Variants in JPH1 observed in about 807,000 individuals in gnomAD.
The protein encoded by JPH1 is junctophilin 1.
JPH1 carries 12 observed loss-of-function variants against 53.6 expected under a neutral mutation model. The ratio of observed to expected loss-of-function variants is 0.22; its 90% confidence interval spans 0.14 to 0.36. The LOEUF is 0.36. Ranked by LOEUF, JPH1 falls within the 10% of genes least tolerant of loss-of-function variation. JPH1 has a pLI of 1.00. For missense variants in JPH1, 808 were observed against 905.5 expected, an observed-to-expected ratio of 0.89 and a Z score of 1.38; for synonymous variants, 375 against 363.8, an observed-to-expected ratio of 1.03 and a Z score of -0.35.
At chr8:74,300,316 C>T (rs185225162) in intron 2 of JPH1, among the ~76,000 whole-genome samples, 41 of 152,238 alleles carry the variant, frequency 2.7e-4, no homozygotes, top group Admixed American at 5.9e-4. Flanking sequence ...TAAACAAATA[C>T]GGGACTGACT....
chr8:74,310,340 G>A (rs1380947190), intron 2 of JPH1, among the ~76,000 whole-genome samples: 1 of 149,810 alleles, frequency 6.7e-6, no homozygotes, highest in Non-Finnish European at 1.5e-5. Flanking sequence ...ATGGTGATTT[G>A]TACCCTCAGG....
chr8:74,297,494 G>T (rs6995682), intron 2 of JPH1, among the ~76,000 whole-genome samples: 4,003 of 151,992 alleles, frequency 0.026, 185 homozygotes, highest in African/African-American at 0.09. Flanking sequence ...TGTGCTTCGC[G>T]GGACTCTTAA....
intron 2 of JPH1, among the ~76,000 whole-genome samples, chr8:74,281,119 G>A (rs967014189): frequency 2.0e-5 from 3 of 152,112 alleles, no homozygotes; most frequent in African/African-American, 4.8e-5. Flanking sequence ...CTACTTGTTT[G>A]CTTATTTTAC....
intron 2 of JPH1, among the ~76,000 whole-genome samples, chr8:74,305,441 C>T (rs560413139): frequency 6.6e-6 from 1 of 152,224 alleles, no homozygotes; most frequent in Non-Finnish European, 1.5e-5. Context: ...TTCCAGAAAA[C>T]ATAGGAGTAG....
At chr8:74,245,529 T>G (rs1158673864) in intron 3 of JPH1, among the ~76,000 whole-genome samples, 1 of 152,240 alleles carries the variant, frequency 6.6e-6, no homozygotes, top group African/African-American at 2.4e-5. Flanking sequence ...TACAAGGAAG[T>G]AAGCTGACTA....
intron 4 of JPH1, among the ~76,000 whole-genome samples, chr8:74,238,035 C>T (rs914324641): frequency 6.6e-6 from 1 of 152,164 alleles, no homozygotes; most frequent in African/African-American, 2.4e-5. Context: ...ACAAACCAAC[C>T]TCATATAACC....
At chr8:74,242,492 ATTCTGT>A (rs985270974) in intron 4 of JPH1, among the ~76,000 whole-genome samples, 1 of 152,226 alleles carries the variant, frequency 6.6e-6, no homozygotes, top group African/African-American at 2.4e-5. Flanking sequence ...ACAGAGTTCA[ATTCTGT>A]GAATTTTAAA....
chr8:74,316,232 C>CT (rs1808153441), intron 1 of JPH1, among the ~76,000 whole-genome samples: 1 of 152,026 alleles, frequency 6.6e-6, no homozygotes. Context: ...TTGGGTGAAC[C>CT]TTTTTGAGCT....
At chr8:74,253,817 C>A (rs1161987616) in intron 3 of JPH1, among the ~76,000 whole-genome samples, 2 of 152,118 alleles carry the variant, frequency 1.3e-5, no homozygotes, top group African/African-American at 4.8e-5. Context: ...TTCCTTGACA[C>A]AAACACTCTC....
In JPH1 at chr8:74,244,883, C is replaced by T. The variant is rs1310991956; in HGVS notation, c.1551G>A (p.Lys517=). The change falls in exon 4 of 6, where the codon AAG becomes AAA. Residue 517 remains lysine (K), a synonymous_variant. Transcript: ENST00000342232. ...TAIVNKPLMS[K]APTKEAGAVV... ...CCGCTCCTGCCTCCTTCGTGGGAGC[C>T]TTTGACATCAAGGGCTTATTGACAA... 6 of 1,614,188 alleles carry T rather than the reference C, an allele frequency of 3.7e-6. 1 individual carries two copies. The highest frequency in any genetic ancestry group is 3.3e-5 in the South Asian group (3 of 91,074).
intron 3 of JPH1, among the ~76,000 whole-genome samples, chr8:74,252,991 A>C (rs1806110962): frequency 6.6e-6 from 1 of 152,082 alleles, no homozygotes; most frequent in Non-Finnish European, 1.5e-5. Context: ...AACGAGACAG[A>C]AAGTCAACAA....
intron 2 of JPH1, among the ~76,000 whole-genome samples, chr8:74,301,781 C>T (rs930046018): frequency 1.3e-5 from 2 of 152,130 alleles, no homozygotes; most frequent in Admixed American, 6.5e-5. Context: ...GTTATACTGA[C>T]CTTATCTTTT....
intron 2 of JPH1, among the ~76,000 whole-genome samples, chr8:74,290,893 T>C (rs992596509): frequency 7.2e-5 from 11 of 152,216 alleles, no homozygotes; most frequent in Non-Finnish European, 1.5e-4. Context: ...AAATTCCCTA[T>C]TTAATAAATG....
chr8:74,276,258 T>C (rs977149364), intron 2 of JPH1, among the ~76,000 whole-genome samples: 3 of 152,062 alleles, frequency 2.0e-5, no homozygotes, highest in African/African-American at 7.2e-5. Flanking sequence ...ATGGAACAGG[T>C]CCCAGATGTC....
intron 2 of JPH1, among the ~76,000 whole-genome samples, chr8:74,268,419 G>A (rs1003905388): frequency 6.6e-6 from 1 of 152,128 alleles, no homozygotes; most frequent in African/African-American, 2.4e-5. Context: ...AGGATGGGGA[G>A]GATGGTGTAA....
intron 1 of JPH1, among the ~76,000 whole-genome samples, chr8:74,319,566 G>A (rs1808256107): frequency 6.6e-6 from 1 of 152,160 alleles, no homozygotes; most frequent in Non-Finnish European, 1.5e-5. Context: ...TTATACTGTA[G>A]GATGAAAAGA....
chr8:74,249,547 A>G (rs1398988840), intron 3 of JPH1, among the ~76,000 whole-genome samples: 1 of 152,210 alleles, frequency 6.6e-6, no homozygotes, highest in Admixed American at 6.5e-5. Context: ...CTCAATACCC[A>G]TTTGTGAAAC....
At chr8:74,256,498 A>C (rs1044884427) in intron 3 of JPH1, among the ~76,000 whole-genome samples, 9 of 151,838 alleles carry the variant, frequency 5.9e-5, no homozygotes, top group African/African-American at 2.2e-4. Context: ...CATATGTAAC[A>C]AACCTGCACG....
rs1007356049 is a variant in JPH1, at chr8:74,314,360, A to C, written c.1139+501T>G. Among the ~76,000 whole-genome samples the C allele has an allele frequency of 4.6e-5, 7 of 152,302 alleles. 1 individual carries two copies. The highest frequency in any genetic ancestry group is 1.7e-4 in the African/African-American group (7 of 41,562). On this transcript the variant is annotated intron_variant, in intron 2 of 5. Transcript: ENST00000342232. ...CCAATTTTACCTATAAGACTTCATA[A>C]ACAGAATCTGAATTGTATAAGCTAG...
Sources: gnomAD v4.1 joint callset for allele counts (sites outside exome capture counted in the v4.1 genomes callset) on GRCh38, gnomAD v4.1.1 for gene constraint, MANE v1.5 for transcripts, NCBI Gene and HGNC (gene_info 2026-07-23, HGNC 2026-07-21) for gene names.